Variants in KCNN2 observed in about 807,000 individuals in gnomAD.
The protein encoded by KCNN2 is potassium calcium-activated channel subfamily N member 2.
Under a neutral mutation model 55.5 loss-of-function variants are expected in KCNN2, and 24 were observed. The observed-to-expected ratio is 0.43, with a 90% CI of 0.31 to 0.61. KCNN2 has a LOEUF of 0.61. Among genes scored for constraint, KCNN2 ranks in the 20% least tolerant of loss-of-function variants. KCNN2 has a pLI of 0.08. For synonymous variants in KCNN2, 431 were observed against 336.1 expected (o/e 1.28, Z -3.09); for missense variants, 754 against 853.6 (o/e 0.88, Z 1.45).
chr5:114,134,087 A>C (rs1428598173), intron 1 of KCNN2, among the ~76,000 whole-genome samples: 1 of 152,010 alleles, frequency 6.6e-6, no homozygotes, highest in East Asian at 1.9e-4. Context: ...CCTGCTCCTA[A>C]ATTTATCTTG....
chr5:114,059,422 T>G (rs1420335067), intron 1 of KCNN2, among the ~76,000 whole-genome samples: 4 of 152,198 alleles, frequency 2.6e-5, no homozygotes, highest in Non-Finnish European at 4.4e-5. Context: ...GTGGGAAGTA[T>G]GAGCATATAG....
At chr5:114,369,742 A>G (rs897650027) in intron 2 of KCNN2, among the ~76,000 whole-genome samples, 1 of 152,168 alleles carries the variant, frequency 6.6e-6, no homozygotes, top group Non-Finnish European at 1.5e-5. Flanking sequence ...AGATCTCTGC[A>G]TTATTAATGG....
upstream of KCNN2, among the ~76,000 whole-genome samples, chr5:114,358,955 C>G (rs1290751085): frequency 6.6e-6 from 1 of 152,002 alleles, no homozygotes; most frequent in East Asian, 1.9e-4. Flanking sequence ...TGTAAAATGC[C>G]TTAAATAATG....
chr5:114,076,841 G>A lies in KCNN2; in HGVS notation c.-271+20341G>A, dbSNP rs181232759. Among the ~76,000 whole-genome samples, 116 of 152,080 alleles carry A rather than the reference G, an allele frequency of 7.6e-4. 2 individuals are homozygous for A. The highest frequency in any genetic ancestry group is 2.8e-3 in the African/African-American group (115 of 41,480). On this transcript the variant is annotated intron_variant, in intron 1 of 10. Coordinates refer to the KCNN2 transcript ENST00000512097. Reference sequence around the variant, plus strand: ...CCTAAGTAGCTGGGAGTGCAGGCACGTGCCAACATGCCCGGCTAATTTTTT... The same window carrying A: ...CCTAAGTAGCTGGGAGTGCAGGCACATGCCAACATGCCCGGCTAATTTTTT...
chr5:114,293,403 G>C (rs985616858), intron 2 of KCNN2, among the ~76,000 whole-genome samples: 4 of 152,228 alleles, frequency 2.6e-5, no homozygotes, highest in Non-Finnish European at 4.4e-5. Flanking sequence ...TAGCATGAAG[G>C]GTTGTTGAAT....
chr5:114,211,972 C>T (rs1268387521), intron 1 of KCNN2, among the ~76,000 whole-genome samples: 2 of 150,494 alleles, frequency 1.3e-5, no homozygotes, highest in African/African-American at 2.4e-5. Flanking sequence ...AGTATAGCAA[C>T]ACTTTATACT....
chr5:114,127,531 CG>C lies in KCNN2; in HGVS notation c.-271+71033del, dbSNP rs546119941. Among the ~76,000 whole-genome samples the C allele has an allele frequency of 6.2e-4, 95 of 152,270 alleles. No individual in the cohort carries two copies. The South Asian group carries it at 7.5e-3, about 12-fold the overall frequency. ...AGGCTGCACACAGCAGGGGAGCCCT[CG>C]GCCTGGCCTACAAAACCATTTTTTC... On this transcript the variant is annotated intron_variant, in intron 1 of 10. Transcript: ENST00000512097.
chr5:114,363,544 G>A (rs538243876), intron 1 of KCNN2, among the ~76,000 whole-genome samples: 1 of 152,326 alleles, frequency 6.6e-6, no homozygotes, highest in African/African-American at 2.4e-5. Flanking sequence ...GAAACCATCT[G>A]TAATTCATCC....
chr5:114,234,424 G>A (rs2112607735), intron 2 of KCNN2, among the ~76,000 whole-genome samples: 1 of 152,226 alleles, frequency 6.6e-6, no homozygotes, highest in East Asian at 1.9e-4. Flanking sequence ...ATTCTGTTAG[G>A]ATTTCATGTA....
At chr5:114,368,784 G>C (rs1338938311) in intron 2 of KCNN2, among the ~76,000 whole-genome samples, 3 of 151,992 alleles carry the variant, frequency 2.0e-5, no homozygotes, top group African/African-American at 7.2e-5. Context: ...TTTCAATACG[G>C]AATATTTAGG....
chr5:114,126,319 A>G (rs535295134), intron 1 of KCNN2, among the ~76,000 whole-genome samples: 3 of 152,266 alleles, frequency 2.0e-5, no homozygotes, highest in East Asian at 1.9e-4. Context: ...AAAAAGTTTA[A>G]TTGACTCACA....
At chr5:114,430,523 C>G (rs1445560316) in intron 3 of KCNN2, among the ~76,000 whole-genome samples, 2 of 152,044 alleles carry the variant, frequency 1.3e-5, no homozygotes, top group African/African-American at 4.8e-5. Context: ...TTGGGATTTA[C>G]AGAGAAAATT....
chr5:114,249,016 G>A lies in KCNN2; in HGVS notation c.-185+27451G>A, dbSNP rs188577020. ...ATGAATGATCACCCTAGTACAGGGT[G>A]TTACCATATTGTCCCTTTCAGATTT... On this transcript the variant is annotated intron_variant, in intron 2 of 10. Coordinates refer to the KCNN2 transcript ENST00000512097. Among the ~76,000 whole-genome samples, 233 of 152,282 alleles carry A rather than the reference G, an allele frequency of 1.5e-3. 1 individual carries two copies. The highest frequency in any genetic ancestry group is 3.4e-3 in the Middle Eastern group (1 of 294).
At chr5:114,153,296 C>T (rs573236180) in intron 1 of KCNN2, among the ~76,000 whole-genome samples, 6 of 152,248 alleles carry the variant, frequency 3.9e-5, no homozygotes, top group African/African-American at 1.2e-4. Context: ...ACTTCTCGCC[C>T]ACCTCCACTT....
rs560454311 is a variant in KCNN2, at chr5:114,337,463, T to G, written c.-184-23482T>G. On this transcript the variant is annotated intron_variant, in intron 2 of 10. Coordinates refer to the KCNN2 transcript ENST00000512097. ...ATTTACAGTACAACATTTTGACATA[T>G]GAAAAACTGAATCCAACCTATTTAA... Among the ~76,000 whole-genome samples, 4 of 152,332 alleles carry G rather than the reference T, an allele frequency of 2.6e-5. No individual in the cohort carries two copies. In the East Asian group the frequency reaches 7.7e-4, roughly 29 times the overall value.
At chr5:114,356,759 TATA>T (rs995648010) in intron 2 of KCNN2, among the ~76,000 whole-genome samples, 1 of 152,162 alleles carries the variant, frequency 6.6e-6, no homozygotes, top group African/African-American at 2.4e-5. Context: ...GAAGAACACA[TATA>T]ATAATTATGA....
At chr5:114,255,999 C>T (rs1009967320) in intron 2 of KCNN2, among the ~76,000 whole-genome samples, 6 of 152,198 alleles carry the variant, frequency 3.9e-5, no homozygotes, top group Admixed American at 2.0e-4. Flanking sequence ...CATCCCCCTC[C>T]TACTCTCTCA....
At chr5:114,293,976 G>A (rs997780911) in intron 2 of KCNN2, among the ~76,000 whole-genome samples, 1 of 152,198 alleles carries the variant, frequency 6.6e-6, no homozygotes, top group African/African-American at 2.4e-5. Flanking sequence ...TAGTTTATTT[G>A]CGTAGAGTTG....
rs1331318681 is a variant in KCNN2, at chr5:114,306,847, C to T, written c.-184-54098C>T. Among the ~76,000 whole-genome samples the T allele has an allele frequency of 2.0e-5, 3 of 151,964 alleles. No homozygotes were observed. In the South Asian group the frequency reaches 6.2e-4, roughly 32 times the overall value. On this transcript the variant is annotated intron_variant, in intron 2 of 10. Coordinates refer to the KCNN2 transcript ENST00000512097. The stretch of plus-strand genomic sequence containing the variant: ...TCCTGAGAAGCTGGAACTACAGGCA[C>T]ACACCATCATTCCCAGCTAAGTTTT...
Sources: allele counts gnomAD v4.1 joint callset (sites outside exome capture counted in the v4.1 genomes callset), GRCh38; gene constraint gnomAD v4.1.1; transcripts MANE v1.5; gene names NCBI Gene and HGNC (gene_info 2026-07-23, HGNC 2026-07-21).